The following ZNF804A variants were observed in gnomAD, a reference collection of about 807,000 sequenced individuals.
ZNF804A encodes the protein zinc finger protein 804A.
Under a neutral mutation model 16.5 loss-of-function variants are expected in ZNF804A, and 2 were observed. That is an observed-to-expected ratio of 0.12 (90% CI 0.05 to 0.38). The LOEUF is 0.38. ZNF804A is among the 10% of genes least tolerant of loss of function. ZNF804A has a pLI of 0.99. For missense variants in ZNF804A, 1,473 were observed against 1,390.7 expected (o/e 1.06, Z -0.94); for synonymous variants, 534 against 489.6 (o/e 1.09, Z -1.20).
intron 2 of ZNF804A, 23 bp downstream of exon 2, chr2:184,866,535 T>A (rs775979929): frequency 6.3e-7 from 1 of 1,586,424 alleles, no homozygotes. Flanking sequence ...TGTGAAAAAA[T>A]TCTGGCATTT....
At chr2:184,711,566 TA>T (rs549593459) in intron 1 of ZNF804A, among the ~76,000 whole-genome samples, 34 of 151,706 alleles carry the variant, frequency 2.2e-4, no homozygotes, top group Admixed American at 1.8e-3. Flanking sequence ...ATGCATATTT[TA>T]AAAAATTGCT....
chr2:184,764,766 C>T (rs777139960), intron 1 of ZNF804A, among the ~76,000 whole-genome samples: 3 of 151,862 alleles, frequency 2.0e-5, no homozygotes, highest in South Asian at 2.1e-4. Flanking sequence ...ATTTGTCTGT[C>T]GCAAATGACA....
intron 1 of ZNF804A, among the ~76,000 whole-genome samples, chr2:184,688,769 A>G (rs981715425): frequency 6.6e-6 from 1 of 152,182 alleles, no homozygotes; most frequent in Admixed American, 6.5e-5. Flanking sequence ...TTAAAAACTT[A>G]AAAAGTAAAA....
At chr2:184,628,003 T>C (rs935465441) in intron 1 of ZNF804A, among the ~76,000 whole-genome samples, 2 of 152,144 alleles carry the variant, frequency 1.3e-5, no homozygotes, top group Admixed American at 6.6e-5. Context: ...GAACAAAATT[T>C]AGTAAGTTTA....
At chr2:184,782,541 A>T (rs1694385758) in intron 1 of ZNF804A, among the ~76,000 whole-genome samples, 1 of 151,586 alleles carries the variant, frequency 6.6e-6, no homozygotes, top group Non-Finnish European at 1.5e-5. Flanking sequence ...GCCCTTGAAC[A>T]TTAGACTCCA....
At chr2:184,897,747 A>G (rs978588113) in intron 2 of ZNF804A, among the ~76,000 whole-genome samples, 19 of 151,784 alleles carry the variant, frequency 1.3e-4, no homozygotes, top group African/African-American at 4.6e-4. Context: ...GCCATTAGGA[A>G]CTCTTTCCAT....
chr2:184,786,972 C>CTTTTTTTTTA (rs1558961378), intron 1 of ZNF804A, among the ~76,000 whole-genome samples: 5 of 150,852 alleles, frequency 3.3e-5, no homozygotes, highest in African/African-American at 1.2e-4. Flanking sequence ...TATTAATATA[C>CTTTTTTTTTA]TTTTTTTTTA....
intron 1 of ZNF804A, among the ~76,000 whole-genome samples, chr2:184,843,435 T>TG (rs1477290993): frequency 2.6e-5 from 4 of 151,694 alleles, no homozygotes; most frequent in African/African-American, 9.7e-5. Context: ...GCTAATTTTT[T>TG]TTTTGTGTGT....
chr2:184,795,134 C>CATGG (rs1232128253), intron 1 of ZNF804A, among the ~76,000 whole-genome samples: 1 of 152,098 alleles, frequency 6.6e-6, no homozygotes, highest in Non-Finnish European at 1.5e-5. Context: ...TTCAACAGTG[C>CATGG]ATGGAAGTTT....
rs554410119 is a variant in ZNF804A at position 184,937,992 on chromosome 2, G to C, written c.2596G>C (p.Glu866Gln). ...KMKPQEVAKIERNSEQTNQLR... is the reference protein window; with the variant it reads ...KMKPQEVAKIQRNSEQTNQLR... ...GAAACCACAAGAAGTTGCAAAAATCGAAAGGAACTCAGAACAAACAAACCA... is the reference window on the plus strand; with the variant it reads ...GAAACCACAAGAAGTTGCAAAAATCCAAAGGAACTCAGAACAAACAAACCA... Residue 866 changes from glutamate (E) to glutamine (Q), a missense_variant, in exon 4 of 4, where the codon GAA becomes CAA. Glu to Gln is a conservative substitution (Grantham distance 29). Coordinates refer to ENST00000302277, the MANE Select transcript of ZNF804A (RefSeq NM_194250.2). The C allele has an allele frequency of 2.5e-6, 4 of 1,614,008 alleles. No homozygotes were observed. The African/African-American group carries it at 4.0e-5, about 16-fold the overall frequency.
chr2:184,747,415 AT>A (rs1006112397), intron 1 of ZNF804A, among the ~76,000 whole-genome samples: 6 of 150,332 alleles, frequency 4.0e-5, no homozygotes, highest in South Asian at 2.1e-4. Flanking sequence ...TATTTTGCTC[AT>A]TTTTTAAACA....
chr2:184,865,133 G>A (rs1466704703), intron 1 of ZNF804A, among the ~76,000 whole-genome samples: 1 of 151,984 alleles, frequency 6.6e-6, no homozygotes, highest in Non-Finnish European at 1.5e-5. Context: ...ACATGCCTGG[G>A]CCTTCCAAAG....
chr2:184,763,467 G>C (rs1299279133), intron 1 of ZNF804A, among the ~76,000 whole-genome samples: 1 of 151,732 alleles, frequency 6.6e-6, no homozygotes, highest in Non-Finnish European at 1.5e-5. Flanking sequence ...TTACTACTAA[G>C]ACTTCCTGCC....
intron 1 of ZNF804A, among the ~76,000 whole-genome samples, chr2:184,771,389 G>T (rs1694210830): frequency 2.0e-5 from 3 of 151,764 alleles, no homozygotes; most frequent in African/African-American, 7.3e-5. Flanking sequence ...GTCCAGACAG[G>T]TTTTGCTGGG....
rs771561584 is a variant in ZNF804A at position 184,936,283 on chromosome 2, T to G, written c.887T>G (p.Ile296Arg). The change falls in exon 4 of 4, where the codon ATA becomes AGA. Residue 296 changes from isoleucine (I) to arginine (R), a missense_variant. Physicochemically the swap from Ile to Arg is moderately conservative, Grantham distance 97 (BLOSUM62 -3). Transcript: ENST00000302277. ...AAAGAAACTGTTCAAACTCAAGAGA[T>G]AAAAGAAGTCTCTAGTGAAAAAGAT... ...RDKETVQTQE[I>R]KEVSSEKDAL... The G allele has an allele frequency of 3.1e-6, 5 of 1,613,790 alleles. No homozygotes were observed. In the East Asian group the frequency reaches 8.9e-5, roughly 29 times the overall value.
chr2:184,766,704 G>A (rs913720749), intron 1 of ZNF804A, among the ~76,000 whole-genome samples: 6 of 151,380 alleles, frequency 4.0e-5, no homozygotes, highest in African/African-American at 7.3e-5. Context: ...GATTGAAAGC[G>A]AAAGTGTCTC....
At chr2:184,832,059 T>C (rs555337179) in intron 1 of ZNF804A, among the ~76,000 whole-genome samples, 8 of 152,064 alleles carry the variant, frequency 5.3e-5, no homozygotes, top group Non-Finnish European at 1.0e-4. Flanking sequence ...TCAGTCTCTC[T>C]CATTTCAATG....
At chr2:184,921,593 G>T (rs557111789) in intron 2 of ZNF804A, among the ~76,000 whole-genome samples, 2 of 152,182 alleles carry the variant, frequency 1.3e-5, no homozygotes, top group Admixed American at 1.3e-4. Flanking sequence ...AGAGTACATA[G>T]GGTATCCCTC....
chr2:184,793,819 A>G (rs964188164), intron 1 of ZNF804A, among the ~76,000 whole-genome samples: 2 of 152,036 alleles, frequency 1.3e-5, no homozygotes, highest in African/African-American at 4.8e-5. Flanking sequence ...AGAACATACA[A>G]TGTTTGGTTT....
Sources: allele counts gnomAD v4.1 joint callset (sites outside exome capture counted in the v4.1 genomes callset), GRCh38; gene constraint gnomAD v4.1.1; transcripts MANE v1.5; gene names NCBI Gene and HGNC (gene_info 2026-07-23, HGNC 2026-07-21).